The following SPPL3 variants were observed in gnomAD, a reference collection of about 807,000 sequenced individuals.
SPPL3 encodes the protein signal peptide peptidase like 3.
Under a neutral mutation model 42.4 loss-of-function variants are expected in SPPL3, and 5 were observed. The observed-to-expected ratio is 0.12, with a 90% CI of 0.06 to 0.25. The LOEUF (loss-of-function observed/expected upper bound fraction) is 0.25, where lower values mean the gene tolerates loss of function less well. Ranked by LOEUF, SPPL3 falls within the 10% of genes least tolerant of loss-of-function variation. SPPL3 has a pLI of 1.00. For synonymous variants in SPPL3, 195 were observed against 181.8 expected, an observed-to-expected ratio of 1.07 and a Z score of -0.58; for missense variants, 235 against 489.0, an observed-to-expected ratio of 0.48 and a Z score of 4.90.
intron 1 of SPPL3, among the ~76,000 whole-genome samples, chr12:120,839,850 TA>T (rs919847886): frequency 2.8e-4 from 41 of 148,168 alleles, no homozygotes; most frequent in South Asian, 6.4e-4. Flanking sequence ...TACACATATA[TA>T]AAAAAAAAAT....
intron 1 of SPPL3, among the ~76,000 whole-genome samples, chr12:120,871,769 A>G (rs1872939414): frequency 6.6e-6 from 1 of 152,174 alleles, no homozygotes; most frequent in Non-Finnish European, 1.5e-5. Flanking sequence ...GGGATAAAAA[A>G]AAAGGGCACA....
Position 120,860,833 on chromosome 12 carries a change from C to A in SPPL3, c.23+43012G>T, listed in dbSNP as rs531114625. ...AGTAATATGGTCTCTGTGACAACTA[C>A]AGTCCTCCCTATCTTTGGGGGACTG... is the stretch of plus-strand genomic sequence containing the variant. On this transcript the variant is annotated intron_variant, in intron 1 of 10. Coordinates refer to ENST00000353487, the MANE Select transcript of SPPL3 (RefSeq NM_139015.5). 8.5e-5 allele frequency among the ~76,000 whole-genome samples: 13 copies of A among 152,232 alleles called. No homozygotes were observed. The South Asian group carries it at 2.5e-3, about 29-fold the overall frequency.
In SPPL3 at chr12:120,799,543, G is replaced by A. The variant is rs553416651; in HGVS notation, c.102-7986C>T. On this transcript the variant is annotated intron_variant, in intron 2 of 10. Transcript: ENST00000353487. ...CAAGAACTGCAGCAGGGACAGGAAA[G>A]CCTTAGGCAGGAATGAGGTACTATC... Among the ~76,000 whole-genome samples the A allele has an allele frequency of 1.8e-4, 28 of 152,272 alleles. No homozygotes were observed. In the South Asian group the frequency reaches 5.0e-3, roughly 27 times the overall value.
At chr12:120,851,822 T>A (rs1049047149) in intron 1 of SPPL3, among the ~76,000 whole-genome samples, 1 of 152,146 alleles carries the variant, frequency 6.6e-6, no homozygotes, top group Non-Finnish European at 1.5e-5. Flanking sequence ...TAGGCTGGAC[T>A]TGAACTCCTG....
intron 3 of SPPL3, 22 bp downstream of exon 3, chr12:120,791,447 T>A: frequency 1.3e-6 from 2 of 1,535,604 alleles, no homozygotes; most frequent in Non-Finnish European, 1.8e-6. Flanking sequence ...GTACAGAAGT[T>A]AATTGACATA....
intron 1 of SPPL3, among the ~76,000 whole-genome samples, chr12:120,883,279 T>C (rs1593010419): frequency 6.6e-6 from 1 of 152,218 alleles, no homozygotes; most frequent in East Asian, 1.9e-4. Context: ...CACTCCAGCC[T>C]GGGCGACAGA....
At chr12:120,814,644 G>C (rs1870804626) in intron 1 of SPPL3, among the ~76,000 whole-genome samples, 1 of 151,346 alleles carries the variant, frequency 6.6e-6, no homozygotes, top group African/African-American at 2.4e-5. Context: ...AAAATCAAAA[G>C]TATATTAAAA....
intron 1 of SPPL3, among the ~76,000 whole-genome samples, chr12:120,865,933 G>A (rs1593002678): frequency 6.6e-6 from 1 of 152,192 alleles, no homozygotes; most frequent in East Asian, 1.9e-4. Flanking sequence ...AGTGGCATTA[G>A]ATTCTCATAG....
At position 120,774,805 on chromosome 12, in the gene SPPL3, C is replaced by G. The variant is rs1022417166; in HGVS notation, c.503-5746G>C. On this transcript the variant is annotated intron_variant, in intron 6 of 10. Transcript: ENST00000353487. Reference sequence around the variant, plus strand: ...AGGCTAAAGTGAAGGGAGGTGCTCTCTTTCCCTTGCGGCTTTAGACACTCC... The same window carrying G: ...AGGCTAAAGTGAAGGGAGGTGCTCTGTTTCCCTTGCGGCTTTAGACACTCC... Among the ~76,000 whole-genome samples the G allele has an allele frequency of 5.9e-5, 9 of 152,082 alleles. No homozygotes were observed. In the East Asian group the frequency reaches 1.7e-3, roughly 29 times the overall value.
Position 120,781,584 on chromosome 12 carries a change from T to G in SPPL3, c.502+1071A>C, listed in dbSNP as rs1333814548. ...TTTTTTTTTTTTTTTTTTTTTTTTT[T>G]TTTTTTTGAGACGGAGTCTTGCTCT... On this transcript the variant is annotated intron_variant, in intron 6 of 10. Coordinates refer to ENST00000353487, the MANE Select transcript of SPPL3 (RefSeq NM_139015.5). Among the ~76,000 whole-genome samples, 30 of 115,966 alleles carry G rather than the reference T, an allele frequency of 2.6e-4. 1 individual carries two copies. In the South Asian group the frequency reaches 7.7e-3, roughly 30 times the overall value. The allele number at this position is 115,966 out of a possible 152,430, so 76.1% of individuals were successfully genotyped here.
intron 1 of SPPL3, among the ~76,000 whole-genome samples, chr12:120,870,649 A>T (rs1357869406): frequency 4.1e-5 from 6 of 147,870 alleles, no homozygotes; most frequent in African/African-American, 1.0e-4. Flanking sequence ...ACTCAGCTTT[A>T]AAAAAAAAAG....
intron 1 of SPPL3, among the ~76,000 whole-genome samples, chr12:120,852,395 T>C (rs1566060696): frequency 2.0e-5 from 1 of 49,808 alleles, no homozygotes; most frequent in Admixed American, 2.1e-4. Context: ...ATATTTTACA[T>C]ATATGAAATA....
chr12:120,826,580 G>A lies in SPPL3; in HGVS notation c.24-15694C>T, dbSNP rs542583996. Reference sequence around the variant, plus strand: ...GGGGAAACCTGTTCAGTGTTACACAGCCTAGTAAGTGATAAGAGTCTCTGC... The same window carrying A: ...GGGGAAACCTGTTCAGTGTTACACAACCTAGTAAGTGATAAGAGTCTCTGC... On this transcript the variant is annotated intron_variant, in intron 1 of 10. Transcript: ENST00000353487. 7.9e-5 allele frequency among the ~76,000 whole-genome samples: 12 copies of A among 152,258 alleles called. No homozygotes were observed. The South Asian group carries it at 2.5e-3, about 32-fold the overall frequency.
chr12:120,833,935 G>A (rs1478664986), intron 1 of SPPL3, among the ~76,000 whole-genome samples: 1 of 152,048 alleles, frequency 6.6e-6, no homozygotes, highest in Non-Finnish European at 1.5e-5. Context: ...TACACATGAA[G>A]CTGACTGTGA....
intron 1 of SPPL3, among the ~76,000 whole-genome samples, chr12:120,834,156 A>T (rs1459072887): frequency 6.6e-6 from 1 of 152,194 alleles, no homozygotes; most frequent in Non-Finnish European, 1.5e-5. Context: ...TACAGAAAAA[A>T]GGAAACCACT....
intron 1 of SPPL3, among the ~76,000 whole-genome samples, chr12:120,860,536 G>A (rs572926298): frequency 6.6e-6 from 1 of 152,302 alleles, no homozygotes; most frequent in Admixed American, 6.5e-5. Context: ...TGCAAAAACT[G>A]AGAATGTTTA....
chr12:120,900,042 C>T (rs1473834378), intron 1 of SPPL3, among the ~76,000 whole-genome samples: 1 of 151,886 alleles, frequency 6.6e-6, no homozygotes, highest in East Asian at 1.9e-4. Flanking sequence ...ATATAAAGGG[C>T]CTTGTTGAAA....
intron 1 of SPPL3, among the ~76,000 whole-genome samples, chr12:120,883,032 T>C (rs1873341755): frequency 6.6e-6 from 1 of 151,992 alleles, no homozygotes; most frequent in South Asian, 2.1e-4. Flanking sequence ...AGGCCGGGCG[T>C]GGTGGCTCAC....
chr12:120,877,781 T>TAA (rs201989284), intron 1 of SPPL3, among the ~76,000 whole-genome samples: 39,396 of 129,572 alleles, frequency 0.3, 7,253 homozygotes, highest in Middle Eastern at 0.51. Flanking sequence ...AACTCCGTCT[T>TAA]AAAAAAAAAA....
Sources: gnomAD v4.1 joint callset for allele counts (sites outside exome capture counted in the v4.1 genomes callset) on GRCh38, gnomAD v4.1.1 for gene constraint, MANE v1.5 for transcripts, NCBI Gene and HGNC (gene_info 2026-07-23, HGNC 2026-07-21) for gene names.